STK10: variants seen among roughly 807,000 people sequenced by gnomAD.
STK10 encodes the protein serine/threonine kinase 10.
A neutral mutation model predicts 113.8 loss-of-function variants in STK10; 78 were observed. The observed-to-expected ratio is 0.69, with a 90% confidence interval of 0.57 to 0.83. The LOEUF (loss-of-function observed/expected upper bound fraction) is 0.83, where lower values mean the gene tolerates loss of function less well. Among genes scored for constraint, STK10 ranks in the 40% least tolerant of loss-of-function variants. The pLI is 0.00. For synonymous variants in STK10, 465 were observed against 494.7 expected (o/e 0.94, Z 0.80); for missense variants, 1,109 against 1,280.1 (o/e 0.87, Z 2.04).
At position 172,044,583 on chromosome 5, in the gene STK10, T is replaced by G; in HGVS notation, c.*299A>C. Reference sequence around the variant, plus strand: ...GAGGCCACAGAACACCCATTCCTCTTGGACCCTGACCCCACCAACAGCCCC... The same window carrying G: ...GAGGCCACAGAACACCCATTCCTCTGGGACCCTGACCCCACCAACAGCCCC... On this transcript the variant is annotated 3_prime_UTR_variant, in exon 19 of 19. Coordinates refer to ENST00000176763, the MANE Select transcript of STK10 (RefSeq NM_005990.4). The surrounding 1 kb of genome is among the most constrained non-coding windows in gnomAD (Gnocchi z 4.5). 6.5e-6 allele frequency: 3 copies of G among 460,712 alleles called. No homozygotes were observed. Among genetic ancestry groups the G allele is most frequent in the East Asian group, 4.1e-5 (1 of 24,676 alleles). 28.5% of individuals were successfully genotyped at this position (460,712 alleles called of 1,614,324 possible). A position where few individuals can be genotyped will look rare whatever the true frequency, so the allele number is the denominator to read the frequency against.
At chr5:172,137,891 C>CAAA (rs34136706) in intron 2 of STK10, among the ~76,000 whole-genome samples, 7 of 78,478 alleles carry the variant, frequency 8.9e-5, no homozygotes, top group African/African-American at 3.0e-4. Context: ...GACTCTGTCT[C>CAAA]AAAAAAAAAA....
chr5:172,129,769 G>T (rs1229978340), intron 2 of STK10, among the ~76,000 whole-genome samples: 3 of 152,164 alleles, frequency 2.0e-5, no homozygotes, highest in Admixed American at 6.5e-5. Flanking sequence ...GCCACAAGAG[G>T]TGATGATGGA....
At chr5:172,111,536 A>G (rs546977950) in intron 4 of STK10, among the ~76,000 whole-genome samples, 6 of 152,320 alleles carry the variant, frequency 3.9e-5, no homozygotes, top group Non-Finnish European at 7.4e-5. Context: ...CAGAGAACTG[A>G]GCCTGTTTGC....
rs530652403 is a variant in STK10, at chr5:172,157,497, A to C, written c.157-709T>G. Among the ~76,000 whole-genome samples, 4 of 152,298 alleles carry C rather than the reference A, an allele frequency of 2.6e-5. No individual in the cohort carries two copies. The East Asian group carries it at 7.7e-4, about 29-fold the overall frequency. ...CTTGAACCCGGGAGGCAGAGGTTGCAGTGAGCAGAGACCACACCATTGCAC... is the reference window on the plus strand; with the variant it reads ...CTTGAACCCGGGAGGCAGAGGTTGCCGTGAGCAGAGACCACACCATTGCAC... On this transcript the variant is annotated intron_variant, in intron 1 of 18. Transcript: ENST00000176763.
At chr5:172,178,184 A>T (rs992483100) in intron 1 of STK10, among the ~76,000 whole-genome samples, 2 of 152,142 alleles carry the variant, frequency 1.3e-5, no homozygotes, top group Admixed American at 6.5e-5. Context: ...TTTTCTGTGA[A>T]ATCTCTTCAT....
intron 1 of STK10, among the ~76,000 whole-genome samples, chr5:172,161,985 T>C (rs1770480135): frequency 6.6e-6 from 1 of 152,224 alleles, no homozygotes; most frequent in Non-Finnish European, 1.5e-5. Context: ...GTCATTGTCC[T>C]AGAATTTACC....
rs557752603 is a variant in STK10 at position 172,117,721 on chromosome 5, C to G, written c.371-91G>C. The G allele has an allele frequency of 1.2e-5, 18 of 1,550,860 alleles. No homozygotes were observed. The African/African-American group carries it at 1.6e-4, about 14-fold the overall frequency. ...CCCACGCCAGGGAGAAATATAAAAG[C>G]CACCAACATTAGGCCAGGCGTGGTG... On this transcript the variant is annotated intron_variant, in intron 3 of 18. Transcript: ENST00000176763.
intron 12 of STK10, among the ~76,000 whole-genome samples, chr5:172,081,316 A>G (rs1768422736): frequency 7.0e-6 from 1 of 143,304 alleles, no homozygotes; most frequent in South Asian, 2.2e-4. Context: ...GTGCCACTGC[A>G]CTCCAGCCTG....
At chr5:172,066,125 G>C (rs1364650694) in intron 12 of STK10, among the ~76,000 whole-genome samples, 8 of 152,084 alleles carry the variant, frequency 5.3e-5, no homozygotes, top group Admixed American at 3.3e-4. Flanking sequence ...GCCCGCCTGT[G>C]ATCAAAAAGA....
At chr5:172,050,166 C>T (rs1396803508) in intron 18 of STK10, among the ~76,000 whole-genome samples, 1 of 152,190 alleles carries the variant, frequency 6.6e-6, no homozygotes, top group Non-Finnish European at 1.5e-5. Context: ...TTAAGATCAC[C>T]TTGATGGTGC....
Position 172,093,994 on chromosome 5 carries a change from TG to T in STK10, c.1006-35del. 1 of 1,323,102 alleles carries T rather than the reference TG, an allele frequency of 7.6e-7. No homozygotes were observed. The highest frequency in any genetic ancestry group is 9.7e-7 in the Non-Finnish European group (1 of 1,025,930). 82.0% of individuals were successfully genotyped at this position (1,323,102 alleles called of 1,614,324 possible). ...ATATATATATATATATTAAAGGCCA[TG>T]CTGCTGTATGTTCAAGGCAAGAGTC... On this transcript the variant is annotated intron_variant, in intron 8 of 18. Coordinates refer to ENST00000176763, the MANE Select transcript of STK10 (RefSeq NM_005990.4). This position sits in a 1 kb window ranked among gnomAD's most constrained non-coding sequence, Gnocchi z 4.1.
At chr5:172,135,044 C>A (rs1256745936) in intron 2 of STK10, among the ~76,000 whole-genome samples, 1 of 151,892 alleles carries the variant, frequency 6.6e-6, no homozygotes, top group East Asian at 1.9e-4. Context: ...AATAAAAGAG[C>A]AAATAACCCA....
chr5:172,081,958 TACCCACCCAGC>T (rs1768439772), intron 12 of STK10, among the ~76,000 whole-genome samples: 1 of 152,094 alleles, frequency 6.6e-6, no homozygotes, highest in South Asian at 2.1e-4. Flanking sequence ...TGTATGTGCC[TACCCACCCAGC>T]ACCCACTCGC....
At chr5:172,062,266 A>T (rs1767954371) in intron 13 of STK10, among the ~76,000 whole-genome samples, 2 of 152,088 alleles carry the variant, frequency 1.3e-5, no homozygotes, top group Non-Finnish European at 2.9e-5. Flanking sequence ...TTTCCATAAT[A>T]AAGGGTAAAA....
At chr5:172,049,038 AGAC>A (rs1349893254) in intron 18 of STK10, among the ~76,000 whole-genome samples, 2 of 151,934 alleles carry the variant, frequency 1.3e-5, no homozygotes, top group African/African-American at 2.4e-5. Context: ...TCATCTTCTT[AGAC>A]GACATCTTCC....
chr5:172,182,699 G>A (rs1006072605), intron 1 of STK10, among the ~76,000 whole-genome samples: 8 of 151,538 alleles, frequency 5.3e-5, no homozygotes, highest in South Asian at 2.1e-4. Flanking sequence ...GATTACAGGC[G>A]CCCACCACCA....
intron 12 of STK10, among the ~76,000 whole-genome samples, chr5:172,076,346 T>C (rs1298431766): frequency 9.8e-6 from 1 of 101,968 alleles, no homozygotes; most frequent in Non-Finnish European, 1.9e-5. Flanking sequence ...GGGGCTGTCC[T>C]GTGCGTTAGT....
chr5:172,185,934 C>A (rs1418435967), intron 1 of STK10, among the ~76,000 whole-genome samples: 1 of 152,194 alleles, frequency 6.6e-6, no homozygotes, highest in Non-Finnish European at 1.5e-5. Context: ...CTCTCCCTAC[C>A]CCATAACAGG....
rs781479411 is a variant in STK10, at chr5:172,117,605, G to C, written c.396C>G (p.Pro132=). 1.2e-6 allele frequency: 2 copies of C among 1,614,080 alleles called. No individual in the cohort carries two copies. Among genetic ancestry groups the C allele is most frequent in the Admixed American group, 3.3e-5 (2 of 60,020 alleles). The change falls in exon 4 of 19, where the codon CCC becomes CCG. Residue 132 remains proline, a synonymous_variant. Transcript: ENST00000176763. ...TCTGGCGGCAAACCACCTGTATCTG[G>C]GGCTCCGTGAGGCCTCTGTCCAGCT... is the stretch of plus-strand genomic sequence containing the variant. ...MLELDRGLTE[P]QIQVVCRQML...
Sources: allele counts gnomAD v4.1 joint callset (sites outside exome capture counted in the v4.1 genomes callset), GRCh38; gene constraint gnomAD v4.1.1; non-coding constraint Gnocchi (gnomAD v3.1); transcripts MANE v1.5; gene names NCBI Gene and HGNC (gene_info 2026-07-23, HGNC 2026-07-21).